ACCSL: variants seen among roughly 807,000 people sequenced by gnomAD.
ACCSL encodes the protein 1-aminocyclopropane-1-carboxylate synthase homolog (inactive) like.
In ACCSL, 55 loss-of-function variants were observed where a neutral mutation model predicts 61.7. The observed-to-expected ratio is 0.89, with a 90% CI of 0.72 to 1.12. The LOEUF is 1.12. ACCSL is among the 50% of genes most tolerant of loss of function. The pLI, the probability that ACCSL is intolerant of heterozygous loss-of-function variation, is 0.00. For missense variants in ACCSL, 632 were observed against 698.0 expected (o/e 0.91, Z 1.07); for synonymous variants, 258 against 264.3 (o/e 0.98, Z 0.23).
chr11:43,995,726 C>CCAGCGAA, the ACCSL span, among the ~76,000 whole-genome samples: 7 of 152,148 alleles, frequency 4.6e-5, no homozygotes, highest in African/African-American at 1.4e-4. Context: ...AGGAAGGAGG[C>CCAGCGAA]CAGCGAGTGC....
chr11:44,031,873 T>G, the ACCSL span, among the ~76,000 whole-genome samples: 2 of 152,064 alleles, frequency 1.3e-5, no homozygotes, highest in African/African-American at 2.4e-5. Context: ...GGGCTGTCAG[T>G]CAATTAAACT....
the ACCSL span, among the ~76,000 whole-genome samples, chr11:43,988,697 A>C: frequency 6.6e-6 from 1 of 152,042 alleles, no homozygotes. Flanking sequence ...TCGGTTCCAC[A>C]CAGGGTTTAG....
chr11:43,924,572 C>A, the ACCSL span, among the ~76,000 whole-genome samples: 2 of 152,254 alleles, frequency 1.3e-5, no homozygotes, highest in East Asian at 1.9e-4. Flanking sequence ...CCAGTGCTAG[C>A]CCCGCAGCCT....
the ACCSL span, among the ~76,000 whole-genome samples, chr11:43,928,802 T>G: frequency 6.6e-6 from 1 of 152,202 alleles, no homozygotes; most frequent in African/African-American, 2.4e-5. Context: ...GAAAGAGAGT[T>G]AGGGAGGCTG....
the ACCSL span, among the ~76,000 whole-genome samples, chr11:43,968,188 C>A: frequency 2.0e-5 from 3 of 152,204 alleles, no homozygotes; most frequent in South Asian, 4.2e-4. Context: ...AATTATCTAG[C>A]CCCAAATGTC....
At chr11:43,959,457 G>C in the ACCSL span, among the ~76,000 whole-genome samples, 1 of 152,248 alleles carries the variant, frequency 6.6e-6, no homozygotes, top group Non-Finnish European at 1.5e-5. Context: ...TGGGTCTCTT[G>C]ATTATAGCAG....
At chr11:44,002,245 G>T in the ACCSL span, among the ~76,000 whole-genome samples, 9 of 152,010 alleles carry the variant, frequency 5.9e-5, no homozygotes, top group African/African-American at 2.2e-4. Context: ...TTGAGAGCGC[G>T]CCTCCCCATG....
rs111954710 is a variant in ACCSL at position 44,049,161 on chromosome 11, T to C, written c.504+621T>C. ...GAGGCTGGGCGTGGTGGCTCATGCC[T>C]GTAATCCCAGCACTTTGGGAGGCCA... is the stretch of plus-strand genomic sequence containing the variant. On this transcript the variant is annotated intron_variant, in intron 1 of 13. Transcript: ENST00000378832. 3.8e-3 allele frequency among the ~76,000 whole-genome samples: 582 copies of C among 152,278 alleles called. 4 individuals are homozygous for C. Among genetic ancestry groups the C allele is most frequent in the African/African-American group, 0.013 (558 of 41,564 alleles).
At chr11:43,972,516 A>C in the ACCSL span, among the ~76,000 whole-genome samples, 2 of 152,182 alleles carry the variant, frequency 1.3e-5, no homozygotes, top group African/African-American at 4.8e-5. Flanking sequence ...CTCAGAACTC[A>C]TCTAAAAATG....
At chr11:43,933,359 C>T in the ACCSL span, 1 of 341,928 alleles carries the variant, frequency 2.9e-6, no homozygotes, top group African/African-American at 2.1e-5. Context: ...GGCAGCCAGG[C>T]TCAAGGTAAA....
At chr11:44,032,558 TG>T in the ACCSL span, among the ~76,000 whole-genome samples, 1 of 152,136 alleles carries the variant, frequency 6.6e-6, no homozygotes, top group Non-Finnish European at 1.5e-5. Flanking sequence ...AACCTGGGGC[TG>T]GGGCATGATG....
chr11:44,016,728 T>C, the ACCSL span, among the ~76,000 whole-genome samples: 1 of 151,992 alleles, frequency 6.6e-6, no homozygotes, highest in African/African-American at 2.4e-5. Context: ...AGCAGACAAG[T>C]ATGTGGACTC....
At chr11:43,952,317 G>A in the ACCSL span, among the ~76,000 whole-genome samples, 1 of 152,082 alleles carries the variant, frequency 6.6e-6, no homozygotes, top group South Asian at 2.1e-4. Flanking sequence ...AAGTGAGAAC[G>A]TGCAGTATTT....
Position 44,053,045 on chromosome 11 carries a change from G to A in ACCSL, c.925G>A (p.Ala309Thr), listed in dbSNP as rs760895280. 6.2e-6 allele frequency: 10 copies of A among 1,614,024 alleles called. No individual in the cohort carries two copies. Among genetic ancestry groups the A allele is most frequent in the Non-Finnish European group, 8.5e-6 (10 of 1,180,002 alleles). ...FQLTVDKLEE[A>T]LLEARLEGKK... is the part of the protein sequence containing the mutation. Reference sequence around the variant, plus strand: ...GCTCACTGTGGACAAGTTAGAGGAAGCCCTGCTTGAAGCTAGGCTTGAGGT... The same window carrying A: ...GCTCACTGTGGACAAGTTAGAGGAAACCCTGCTTGAAGCTAGGCTTGAGGT... The change falls in exon 7 of 14, where the codon GCC becomes ACC. Residue 309 changes from alanine (A) to threonine (T), a missense_variant. Ala to Thr is a moderately conservative substitution (Grantham distance 58, BLOSUM62 0). Transcript: ENST00000378832.
the ACCSL span, among the ~76,000 whole-genome samples, chr11:44,005,000 G>A: frequency 6.6e-6 from 1 of 152,246 alleles, no homozygotes; most frequent in Admixed American, 6.5e-5. Context: ...TTTTTCGGAG[G>A]CCCACTGGTG....
At chr11:43,971,336 T>G in the ACCSL span, 2 of 151,598 alleles carry the variant, frequency 1.3e-5, no homozygotes, top group African/African-American at 4.9e-5. Context: ...GTAGCTAATA[T>G]TTGTTCACCA....
At chr11:43,974,883 T>C in the ACCSL span, among the ~76,000 whole-genome samples, 1 of 152,194 alleles carries the variant, frequency 6.6e-6, no homozygotes, top group African/African-American at 2.4e-5. Context: ...TGAGCCAGAA[T>C]TTCCCAAAAG....
rs767314467 is a variant in ACCSL at position 44,059,965 on chromosome 11, G to A, written c.*45G>A. ...GCAGTTCCAGCCCATCACTTGCTCA[G>A]GGACCCCCTAATGTCAGCCTCTGGC... On this transcript the variant is annotated 3_prime_UTR_variant, in exon 14 of 14. Coordinates refer to ENST00000378832, the MANE Select transcript of ACCSL (RefSeq NM_001031854.2). 4.4e-6 allele frequency: 7 copies of A among 1,574,972 alleles called. No individual in the cohort carries two copies. The highest frequency in any genetic ancestry group is 6.1e-6 in the Non-Finnish European group (7 of 1,146,350).
At chr11:44,041,610 G>A in the ACCSL span, among the ~76,000 whole-genome samples, 2 of 152,150 alleles carry the variant, frequency 1.3e-5, no homozygotes, top group Non-Finnish European at 2.9e-5. Context: ...TTAAACTCTT[G>A]TAGATCTTCC....
Sources: gnomAD v4.1 joint callset for allele counts (sites outside exome capture counted in the v4.1 genomes callset) on GRCh38, gnomAD v4.1.1 for gene constraint, MANE v1.5 for transcripts, NCBI Gene and HGNC (gene_info 2026-07-23, HGNC 2026-07-21) for gene names.